CCDC33: variants seen among roughly 807,000 people sequenced by gnomAD.
The protein encoded by CCDC33 is coiled-coil domain-containing protein 33.
A neutral mutation model predicts 91.9 loss-of-function variants in CCDC33; 94 were observed. That is an observed-to-expected ratio of 1.02 (90% confidence interval 0.87 to 1.21). The LOEUF (loss-of-function observed/expected upper bound fraction) is 1.21. Among genes scored for constraint, CCDC33 ranks in the 50% most tolerant of loss-of-function variants. CCDC33 has a pLI of 0.00. For synonymous variants in CCDC33, 396 were observed against 374.5 expected (o/e 1.06, Z -0.66); for missense variants, 940 against 935.5 (o/e 1.00, Z -0.06).
intron 2 of CCDC33, among the ~76,000 whole-genome samples, chr15:74,246,651 C>T (rs969026062): frequency 1.3e-5 from 2 of 152,152 alleles, no homozygotes; most frequent in Non-Finnish European, 1.5e-5. Context: ...TGGCTGTTCT[C>T]AAAAACACAA....
chr15:74,206,638 G>T (rs1487419095), intron 1 of CCDC33, among the ~76,000 whole-genome samples: 1 of 152,232 alleles, frequency 6.6e-6, no homozygotes, highest in Non-Finnish European at 1.5e-5. Context: ...AGCCTGAGGA[G>T]CGGGGAGGGA....
intron 5 of CCDC33, among the ~76,000 whole-genome samples, chr15:74,271,238 C>T (rs2076306915): frequency 6.6e-6 from 1 of 152,020 alleles, no homozygotes; most frequent in Admixed American, 6.5e-5. Flanking sequence ...TTATAAAGTG[C>T]TCTCTCACAA....
At chr15:74,321,539 A>G (rs902048496) in intron 11 of CCDC33, among the ~76,000 whole-genome samples, 1 of 152,220 alleles carries the variant, frequency 6.6e-6, no homozygotes, top group African/African-American at 2.4e-5. Flanking sequence ...TGCTGAGATT[A>G]CAGGCATGAG....
At chr15:74,308,491 G>GCCGT (rs2059933374) in intron 11 of CCDC33, among the ~76,000 whole-genome samples, 1 of 152,158 alleles carries the variant, frequency 6.6e-6, no homozygotes, top group African/African-American at 2.4e-5. Flanking sequence ...TGCCAGAGCT[G>GCCGT]CCGTCCCCTC....
At chr15:74,319,887 T>C (rs993031709) in intron 11 of CCDC33, among the ~76,000 whole-genome samples, 1 of 152,152 alleles carries the variant, frequency 6.6e-6, no homozygotes, top group African/African-American at 2.4e-5. Flanking sequence ...GCACAAAAGC[T>C]TTCTAGGCAT....
At chr15:74,234,799 T>C (rs2075095031), upstream of CCDC33, among the ~76,000 whole-genome samples, 1 of 152,182 alleles carries the variant, frequency 6.6e-6, no homozygotes, top group Admixed American at 6.5e-5. Flanking sequence ...AGGACCACAG[T>C]GAGGCAGGCA....
At chr15:74,248,686 AT>A (rs2075612860) in intron 2 of CCDC33, among the ~76,000 whole-genome samples, 2 of 152,022 alleles carry the variant, frequency 1.3e-5, no homozygotes, top group Admixed American at 1.3e-4. Context: ...GGGCATGGCC[AT>A]TTCACCCCTT....
intron 11 of CCDC33, among the ~76,000 whole-genome samples, chr15:74,314,940 A>G (rs1230927309): frequency 1.3e-5 from 2 of 152,234 alleles, no homozygotes; most frequent in Admixed American, 1.3e-4. Flanking sequence ...GAAGTCTGAC[A>G]GCCTGCCAAA....
chr15:74,290,623 G>T (rs905164205), intron 10 of CCDC33, among the ~76,000 whole-genome samples: 3 of 152,136 alleles, frequency 2.0e-5, no homozygotes, highest in Non-Finnish European at 4.4e-5. Context: ...GCAAAGCAAG[G>T]GTGCTTCAGG....
intron 5 of CCDC33, among the ~76,000 whole-genome samples, chr15:74,270,943 G>T (rs12905151): frequency 0.024 from 3,673 of 152,258 alleles, 73 homozygotes; most frequent in Non-Finnish European, 0.039. Context: ...AAGCCTTTAG[G>T]GGGTGACAGA....
intron 11 of CCDC33, among the ~76,000 whole-genome samples, chr15:74,322,359 G>T (rs934668018): frequency 3.3e-5 from 5 of 152,160 alleles, no homozygotes; most frequent in Non-Finnish European, 5.9e-5. Context: ...ACTTAGTTTG[G>T]GCTTCCTCAC....
At chr15:74,269,423 T>G (rs1401127458) in intron 5 of CCDC33, among the ~76,000 whole-genome samples, 1 of 151,918 alleles carries the variant, frequency 6.6e-6, no homozygotes, top group Non-Finnish European at 1.5e-5. Flanking sequence ...GAGCCAAAAC[T>G]CCTAACCCAC....
intron 2 of CCDC33, among the ~76,000 whole-genome samples, chr15:74,222,006 G>A (rs976670697): frequency 2.6e-5 from 4 of 152,182 alleles, no homozygotes; most frequent in Non-Finnish European, 4.4e-5. Context: ...AGAGCACCCC[G>A]GGGTGAGGAA....
In CCDC33 at chr15:74,331,004, G is replaced by A. The variant is rs1466631040; in HGVS notation, c.1569G>A (p.Leu523=). 2.5e-6 allele frequency: 4 copies of A among 1,602,488 alleles called. No homozygotes were observed. The South Asian group carries it at 3.4e-5, about 14-fold the overall frequency. The change falls in exon 14 of 19, where the codon CTG becomes CTA. Residue 523 remains leucine, a synonymous_variant. Transcript: ENST00000398814. ...AGAAGAATGATCGAGAGAAGGAGCT[G>A]CTCCTTCTGTATCAGGCCCAGCAGC... ...LIRKNDREKE[L]LLLYQAQQPQ... is the part of the protein sequence containing the mutation.
chr15:74,313,705 G>C (rs968458906), intron 11 of CCDC33, among the ~76,000 whole-genome samples: 1 of 152,174 alleles, frequency 6.6e-6, no homozygotes, highest in Non-Finnish European at 1.5e-5. Context: ...TGAATGCTGA[G>C]CTGGCCCTGC....
intron 13 of CCDC33, 58 bp from the exon 14 acceptor site, chr15:74,330,923 G>T (rs2060420075): frequency 6.5e-7 from 1 of 1,549,896 alleles, no homozygotes; most frequent in Admixed American, 1.9e-5. Flanking sequence ...GACCCTCAGG[G>T]CCAAGGTGGA....
chr15:74,224,550 C>G (rs1048664643), intron 2 of CCDC33, among the ~76,000 whole-genome samples: 1 of 152,160 alleles, frequency 6.6e-6, no homozygotes, highest in Non-Finnish European at 1.5e-5. Flanking sequence ...ATTTGGGATT[C>G]AACCAGCTTA....
intron 1 of CCDC33, among the ~76,000 whole-genome samples, chr15:74,242,817 C>G (rs11858661): frequency 6.6e-6 from 1 of 151,906 alleles, no homozygotes; most frequent in East Asian, 1.9e-4. Flanking sequence ...CCAGCTCTGC[C>G]GTCTTCTCTG....
At chr15:74,249,137 C>A (rs2075624788) in intron 2 of CCDC33, among the ~76,000 whole-genome samples, 2 of 152,196 alleles carry the variant, frequency 1.3e-5, no homozygotes, top group Admixed American at 6.5e-5. Flanking sequence ...TATTAGTCTG[C>A]AAAATAGCTC....
Sources: gnomAD v4.1 joint callset for allele counts (sites outside exome capture counted in the v4.1 genomes callset) on GRCh38, gnomAD v4.1.1 for gene constraint, MANE v1.5 for transcripts, NCBI Gene and HGNC (gene_info 2026-07-23, HGNC 2026-07-21) for gene names.